The following ZNF521 variants were observed in gnomAD, a reference collection of about 807,000 sequenced individuals.
ZNF521 encodes zinc finger protein 521.
In ZNF521, 14 loss-of-function variants were observed where a neutral mutation model predicts 105.5. The ratio of observed to expected loss-of-function variants is 0.13; its 90% CI spans 0.09 to 0.21. The LOEUF (loss-of-function observed/expected upper bound fraction) is 0.21, where lower values mean the gene tolerates loss of function less well. Among genes scored for constraint, ZNF521 ranks in the 10% least tolerant of loss-of-function variants. The pLI, the probability that ZNF521 is intolerant of heterozygous loss-of-function variation, is 1.00. For synonymous variants in ZNF521, 635 were observed against 606.0 expected (o/e 1.05, Z -0.70); for missense variants, 1,233 against 1,629.7 (o/e 0.76, Z 4.19).
At chr18:25,286,622 T>A (rs1910721155) in intron 3 of ZNF521, among the ~76,000 whole-genome samples, 1 of 152,256 alleles carries the variant, frequency 6.6e-6, no homozygotes, top group South Asian at 2.1e-4. Flanking sequence ...TCTCATAGAC[T>A]ATATATCTCT....
At chr18:25,180,584 G>A (rs1395103284) in intron 5 of ZNF521, among the ~76,000 whole-genome samples, 1 of 151,712 alleles carries the variant, frequency 6.6e-6, no homozygotes, top group Non-Finnish European at 1.5e-5. Flanking sequence ...TAAGTGCAGA[G>A]AACGTCTGAA....
intron 3 of ZNF521, among the ~76,000 whole-genome samples, chr18:25,283,926 C>CG (rs1303545978): frequency 2.1e-4 from 30 of 139,978 alleles, no homozygotes; most frequent in Non-Finnish European, 4.1e-4. Context: ...ATACTTTCCC[C>CG]CCCCCCCAAA....
intron 5 of ZNF521, among the ~76,000 whole-genome samples, chr18:25,133,057 C>T (rs376787825): frequency 1.1e-4 from 17 of 152,290 alleles, no homozygotes; most frequent in African/African-American, 4.1e-4. Context: ...GCCGCTTAGT[C>T]AGTGATATCA....
At chr18:25,335,534 A>G (rs910468662) in intron 2 of ZNF521, among the ~76,000 whole-genome samples, 2 of 152,210 alleles carry the variant, frequency 1.3e-5, no homozygotes, top group African/African-American at 4.8e-5. Context: ...TATCTATATT[A>G]AGCGATCCCA....
chr18:25,304,599 C>CG (rs1911866412), intron 3 of ZNF521, among the ~76,000 whole-genome samples: 1 of 152,174 alleles, frequency 6.6e-6, no homozygotes, highest in South Asian at 2.1e-4. Context: ...AATTTGACCT[C>CG]GGGGTCTTTT....
chr18:25,212,538 A>AAAAATATATATAT (rs1555647923), intron 4 of ZNF521, among the ~76,000 whole-genome samples: 1 of 48,130 alleles, frequency 2.1e-5, no homozygotes, highest in African/African-American at 1.3e-4. Flanking sequence ...AAAAAAAAAA[A>AAAAATATATATAT]ATATATATAT....
chr18:25,119,540 GAAATTAAAATTAAA>G (rs779260905), intron 5 of ZNF521, among the ~76,000 whole-genome samples: 3 of 151,742 alleles, frequency 2.0e-5, no homozygotes, highest in South Asian at 4.2e-4. Context: ...CAAATATTTG[GAAATTAAAATTAAA>G]AAATTAAAAT....
chr18:25,071,927 T>G (rs529014162), intron 7 of ZNF521, among the ~76,000 whole-genome samples: 1 of 151,944 alleles, frequency 6.6e-6, no homozygotes, highest in South Asian at 2.1e-4. Flanking sequence ...AGGGAGAGAA[T>G]GGCCCCCGAA....
At chr18:25,152,613 A>G (rs1025330086) in intron 5 of ZNF521, among the ~76,000 whole-genome samples, 1 of 152,150 alleles carries the variant, frequency 6.6e-6, no homozygotes, top group Admixed American at 6.5e-5. Flanking sequence ...ACATTTTTTT[A>G]AAAGTTTTAC....
chr18:25,085,768 T>C (rs570533515), intron 7 of ZNF521, among the ~76,000 whole-genome samples: 41 of 151,884 alleles, frequency 2.7e-4, no homozygotes, highest in Admixed American at 5.2e-4. Context: ...ATAAATTCTA[T>C]ACCTAACAAA....
At chr18:25,089,050 T>C (rs1336166867) in intron 7 of ZNF521, among the ~76,000 whole-genome samples, 1 of 152,182 alleles carries the variant, frequency 6.6e-6, no homozygotes, top group African/African-American at 2.4e-5. Flanking sequence ...CTTTCTTTTC[T>C]TCCCCTCTCC....
At chr18:25,348,192 A>T (rs1914545723) in intron 2 of ZNF521, among the ~76,000 whole-genome samples, 1 of 152,234 alleles carries the variant, frequency 6.6e-6, no homozygotes, top group Non-Finnish European at 1.5e-5. Flanking sequence ...ACCAGAACAC[A>T]GGTCATAATA....
intron 4 of ZNF521, among the ~76,000 whole-genome samples, chr18:25,209,685 G>T (rs1324219980): frequency 6.6e-6 from 1 of 152,118 alleles, no homozygotes; most frequent in South Asian, 2.1e-4. Flanking sequence ...TGACTTAAAT[G>T]TTATTTCTCC....
At position 25,325,088 on chromosome 18, in the gene ZNF521, G is replaced by A. The variant is rs1205540681; in HGVS notation, c.41-2901C>T. On this transcript the variant is annotated intron_variant, in intron 2 of 7. Coordinates refer to ENST00000361524, the MANE Select transcript of ZNF521 (RefSeq NM_015461.3). Reference sequence around the variant, plus strand: ...GTCAACACTTAAGAGGGACCCTCTGGGAAGCGGGTTCGATTATAGCCTATG... The same window carrying A: ...GTCAACACTTAAGAGGGACCCTCTGAGAAGCGGGTTCGATTATAGCCTATG... Among the ~76,000 whole-genome samples the A allele has an allele frequency of 2.0e-5, 3 of 152,210 alleles. No homozygotes were observed. In the East Asian group the frequency reaches 5.8e-4, roughly 29 times the overall value.
At position 25,227,783 on chromosome 18, in the gene ZNF521, G is replaced by C; in HGVS notation, c.221-86C>G. 1 of 1,126,350 alleles carries C rather than the reference G, an allele frequency of 8.9e-7. No individual in the cohort carries two copies. Among genetic ancestry groups the C allele is most frequent in the African/African-American group, 1.6e-5 (1 of 64,040 alleles). The allele number at this position is 1,126,350 out of a possible 1,614,324, so 69.8% of individuals were successfully genotyped here. Reference sequence around the variant, plus strand: ...CGTAGCATTTCAACCAGCACGCAGAGTTGGGCCCTCTTGAATCTTTCAAGA... The same window carrying C: ...CGTAGCATTTCAACCAGCACGCAGACTTGGGCCCTCTTGAATCTTTCAAGA... On this transcript the variant is annotated intron_variant, in intron 3 of 7. Transcript: ENST00000361524. This position sits in a 1 kb window ranked among gnomAD's most constrained non-coding sequence, Gnocchi z 5.7.
At position 25,195,296 on chromosome 18, in the gene ZNF521, T is replaced by A. The variant is rs1165418094; in HGVS notation, c.3574-52A>T. On this transcript the variant is annotated intron_variant, in intron 4 of 7. Coordinates refer to ENST00000361524, the MANE Select transcript of ZNF521 (RefSeq NM_015461.3). Reference sequence around the variant, plus strand: ...ACTTAGACACATGGACTTTTAATTGTTTCTTTGTTTAAAAAACATTTTTCT... The same window carrying A: ...ACTTAGACACATGGACTTTTAATTGATTCTTTGTTTAAAAAACATTTTTCT... 3.6e-6 allele frequency: 5 copies of A among 1,395,422 alleles called. No homozygotes were observed. In the Admixed American group the frequency reaches 1.1e-4, roughly 32 times the overall value. The allele number at this position is 1,395,422 out of a possible 1,614,324, so 86.4% of individuals were successfully genotyped here.
Position 25,062,249 on chromosome 18 carries a change from C to T in ZNF521, c.*463G>A. On this transcript the variant is annotated 3_prime_UTR_variant, in exon 8 of 8. Coordinates refer to ENST00000361524, the MANE Select transcript of ZNF521 (RefSeq NM_015461.3). ...TGTGAGAACATCTCTTCATGGTTTG[C>T]AAGAATCTTCAGCAATAAAAAATAG... is the stretch of plus-strand genomic sequence containing the variant. 4.5e-6 allele frequency: 1 copy of T among 220,950 alleles called. No homozygotes were observed. Among genetic ancestry groups the T allele is most frequent in the Non-Finnish European group, 9.0e-6 (1 of 111,590 alleles). The allele number at this position is 220,950 out of a possible 1,614,324, so 13.7% of individuals were successfully genotyped here. A position where few individuals can be genotyped will look rare whatever the true frequency, so the allele number is the denominator to read the frequency against.
chr18:25,203,602 C>A (rs1258647661), intron 4 of ZNF521, among the ~76,000 whole-genome samples: 2 of 152,022 alleles, frequency 1.3e-5, no homozygotes, highest in Admixed American at 1.3e-4. Context: ...GGGGGACAGA[C>A]TGAGTGAGAC....
intron 5 of ZNF521, among the ~76,000 whole-genome samples, chr18:25,124,476 T>C (rs1235588972): frequency 1.3e-5 from 2 of 152,166 alleles, no homozygotes; most frequent in African/African-American, 4.8e-5. Flanking sequence ...AGTTGAAGAA[T>C]TGAGAGTGCC....
Sources: allele counts gnomAD v4.1 joint callset (sites outside exome capture counted in the v4.1 genomes callset), GRCh38; gene constraint gnomAD v4.1.1; non-coding constraint Gnocchi (gnomAD v3.1); transcripts MANE v1.5; gene names NCBI Gene and HGNC (gene_info 2026-07-23, HGNC 2026-07-21).